PTPN1: variants seen among roughly 807,000 people sequenced by gnomAD.
The protein encoded by PTPN1 is protein tyrosine phosphatase non-receptor type 1.
PTPN1 carries 12 observed loss-of-function variants against 59.9 expected under a neutral mutation model. That is an observed-to-expected ratio of 0.20 (90% CI 0.13 to 0.32). The LOEUF is 0.32. Among genes scored for constraint, PTPN1 ranks in the 10% least tolerant of loss-of-function variants. The pLI is 1.00. For missense variants in PTPN1, 356 were observed against 549.2 expected (o/e 0.65, Z 3.52); for synonymous variants, 178 against 203.6 (o/e 0.87, Z 1.07).
chr20:50,573,545 C>G (rs2082821299), intron 4 of PTPN1: 1 of 152,208 alleles, frequency 6.6e-6, no homozygotes. Context: ...ATCCTTTGCC[C>G]CAGAGGAGGT....
intron 1 of PTPN1, 72 bp from the exon 2 acceptor site, chr20:50,561,291 T>G: frequency 8.5e-7 from 1 of 1,171,858 alleles, no homozygotes; most frequent in South Asian, 1.4e-5. Flanking sequence ...CGGCTCTCTT[T>G]GATGTCTGTT....
At position 50,574,618 on chromosome 20, in the gene PTPN1, T is replaced by C. The variant is rs1417480877; in HGVS notation, c.456T>C (p.Tyr152=). The C allele has an allele frequency of 1.9e-6, 3 of 1,607,630 alleles. No individual in the cohort carries two copies. The highest frequency in any genetic ancestry group is 1.7e-6 in the Non-Finnish European group (2 of 1,178,076). ...TGATCTCTGAAGATATCAAGTCATA[T>C]TATACAGTGCGACAGCTAGAATTGG... ...LTLISEDIKS[Y]YTVRQLELEN... is the part of the protein sequence containing the mutation. The change falls in exon 5 of 10, where the codon TAT becomes TAC. Residue 152 remains tyrosine, a synonymous_variant. Transcript: ENST00000371621.
At chr20:50,578,103 G>T in intron 5 of PTPN1, 1 of 224,722 alleles carries the variant, frequency 4.4e-6, no homozygotes, top group Non-Finnish European at 8.9e-6. Context: ...GCATCATTGT[G>T]ACTCGTGAGA....
chr20:50,510,508 A>G lies in PTPN1; in HGVS notation c.-20A>G. On this transcript the variant is annotated 5_prime_UTR_variant, in exon 1 of 10. Coordinates refer to ENST00000371621, the MANE Select transcript of PTPN1 (RefSeq NM_002827.4). ...GCGCAGTGGGCCGAGAAGGAGGCGC[A>G]GCAGCCGCCCTGGCCCGTCATGGAG... 6.5e-7 allele frequency: 1 copy of G among 1,548,672 alleles called. No individual in the cohort carries two copies. The highest frequency in any genetic ancestry group is 1.2e-5 in the South Asian group (1 of 83,790).
chr20:50,569,341 A>C (rs2082794983), intron 4 of PTPN1, among the ~76,000 whole-genome samples: 1 of 152,144 alleles, frequency 6.6e-6, no homozygotes, highest in Non-Finnish European at 1.5e-5. Flanking sequence ...GTTTCTTACC[A>C]TGTTCTCTGG....
intron 1 of PTPN1, among the ~76,000 whole-genome samples, chr20:50,546,247 G>A (rs1296221291): frequency 6.6e-6 from 1 of 152,136 alleles, no homozygotes; most frequent in Non-Finnish European, 1.5e-5. Flanking sequence ...CTTAGTGCTT[G>A]CCACATAGTT....
Position 50,581,241 on chromosome 20 carries a change from C to G in PTPN1, c.1089-24C>G, listed in dbSNP as rs111576324. The G allele has an allele frequency of 6.9e-4, 1,085 of 1,571,782 alleles. 1 individual carries two copies. Among genetic ancestry groups the G allele is most frequent in the Non-Finnish European group, 8.1e-4 (938 of 1,151,804 alleles). ...TTCATTTTCTCCAAAGTGAGTAACC[C>G]ATCTCTGCCCTCTGATTCCTCAGCA... On this transcript the variant is annotated intron_variant, in intron 8 of 9. Transcript: ENST00000371621.
chr20:50,564,405 C>T (rs754177613), intron 2 of PTPN1, among the ~76,000 whole-genome samples: 4 of 152,060 alleles, frequency 2.6e-5, no homozygotes, highest in Non-Finnish European at 4.4e-5. Context: ...ACCAGCCTGG[C>T]CAACATGGTG....
chr20:50,552,999 T>C (rs1050570217), intron 1 of PTPN1, among the ~76,000 whole-genome samples: 9 of 152,210 alleles, frequency 5.9e-5, no homozygotes, highest in Admixed American at 5.2e-4. Context: ...TTATTTCCTC[T>C]ACTTGATTTT....
At chr20:50,575,318 C>T (rs1030194422) in intron 5 of PTPN1, among the ~76,000 whole-genome samples, 6 of 152,178 alleles carry the variant, frequency 3.9e-5, no homozygotes, top group Admixed American at 3.3e-4. Flanking sequence ...GAGTGGCCAG[C>T]CACCAACCTC....
At chr20:50,574,271 G>A (rs923821916) in intron 4 of PTPN1, 11 of 455,244 alleles carry the variant, frequency 2.4e-5, no homozygotes, top group East Asian at 4.0e-5. Context: ...CCGTTGCCAC[G>A]TTTGACCGGG....
At chr20:50,572,685 G>T (rs1321648260) in intron 4 of PTPN1, 3 of 152,180 alleles carry the variant, frequency 2.0e-5, no homozygotes, top group African/African-American at 4.8e-5. Flanking sequence ...CACGGGTGGG[G>T]TGGAACCTGT....
At chr20:50,516,388 T>C (rs1242303495) in intron 1 of PTPN1, among the ~76,000 whole-genome samples, 2 of 152,210 alleles carry the variant, frequency 1.3e-5, no homozygotes, top group Non-Finnish European at 2.9e-5. Flanking sequence ...AGTGAGTCCC[T>C]TACTTTCTTT....
intron 1 of PTPN1, among the ~76,000 whole-genome samples, chr20:50,512,384 A>C (rs563929110): frequency 6.6e-6 from 1 of 152,216 alleles, no homozygotes; most frequent in Non-Finnish European, 1.5e-5. Context: ...CTTAGTTCTT[A>C]GTTGAATTTT....
At chr20:50,581,120 G>T (rs1012875313) in intron 8 of PTPN1, 145 bp from the exon 9 acceptor site, 1 of 1,360,662 alleles carries the variant, frequency 7.3e-7, no homozygotes, top group African/African-American at 1.5e-5. Context: ...CCAAGCAGAG[G>T]GGGCTGGCTC....
At chr20:50,580,734 C>T (rs1012928059) in intron 8 of PTPN1, among the ~76,000 whole-genome samples, 8 of 152,076 alleles carry the variant, frequency 5.3e-5, no homozygotes, top group Non-Finnish European at 1.2e-4. Flanking sequence ...TCAAAACAAG[C>T]GTGTAAAGAT....
At chr20:50,563,766 C>T (rs1163654910) in intron 2 of PTPN1, among the ~76,000 whole-genome samples, 1 of 152,116 alleles carries the variant, frequency 6.6e-6, no homozygotes, top group African/African-American at 2.4e-5. Context: ...TTTATTGTCC[C>T]TTGTGCTGTG....
intron 4 of PTPN1, chr20:50,572,508 T>G (rs1261946097): frequency 6.6e-6 from 1 of 152,182 alleles, no homozygotes; most frequent in East Asian, 1.9e-4. Context: ...TTACAGAGGG[T>G]TATTAAGCAT....
intron 9 of PTPN1, 150 bp downstream of exon 9, chr20:50,581,610 G>C (rs1326922725): frequency 3.3e-6 from 3 of 918,408 alleles, no homozygotes; most frequent in Non-Finnish European, 4.6e-6. Context: ...AACTGTGGAA[G>C]GGCTAACAAG....
Sources: allele counts gnomAD v4.1 joint callset (sites outside exome capture counted in the v4.1 genomes callset), GRCh38; gene constraint gnomAD v4.1.1; transcripts MANE v1.5; gene names NCBI Gene and HGNC (gene_info 2026-07-23, HGNC 2026-07-21).